The following SNAP91 variants were observed in gnomAD, a reference collection of about 807,000 sequenced individuals.
The protein encoded by SNAP91 is synaptosome associated protein 91, also known as clathrin coat assembly protein AP180.
Under a neutral mutation model 100.3 loss-of-function variants are expected in SNAP91, and 27 were observed. That is an observed-to-expected ratio of 0.27 (90% CI 0.20 to 0.37). The LOEUF is 0.37. Ranked by LOEUF, SNAP91 falls within the 10% of genes least tolerant of loss-of-function variation. SNAP91 has a pLI of 1.00. For synonymous variants in SNAP91, 404 were observed against 398.6 expected, an observed-to-expected ratio of 1.01 and a Z score of -0.16; for missense variants, 986 against 1,123.7, an observed-to-expected ratio of 0.88 and a Z score of 1.75.
chr6:83,575,243 A>G, intron 25 of SNAP91, 122 bp from the exon 26 acceptor site: 1 of 703,768 alleles, frequency 1.4e-6, no homozygotes, highest in African/African-American at 1.8e-5. Context: ...CAAGTGGTAT[A>G]GTAATAAGAA....
chr6:83,575,160 AT>A lies in SNAP91; in HGVS notation c.2331-40del, dbSNP rs1224844853. ...TGCAAAACAAGCAAACAAACAAAAA[AT>A]CACAAATCAGAAAAAAATGGTGTGT... On this transcript the variant is annotated intron_variant, in intron 25 of 29. Coordinates refer to ENST00000369694, the MANE Select transcript of SNAP91 (RefSeq NM_001242792.2). 3.5e-6 allele frequency: 5 copies of A among 1,413,752 alleles called. No homozygotes were observed. The Admixed American group carries it at 7.7e-5, about 22-fold the overall frequency. The allele number at this position is 1,413,752 out of a possible 1,614,324, so 87.6% of individuals were successfully genotyped here. A position where few individuals can be genotyped will look rare whatever the true frequency, so the allele number is the denominator to read the frequency against.
intron 8 of SNAP91, among the ~76,000 whole-genome samples, chr6:83,632,557 C>T (rs1425764719): frequency 2.6e-5 from 4 of 152,194 alleles, no homozygotes; most frequent in African/African-American, 9.6e-5. Context: ...AACAAAATCC[C>T]AGACTTCCTG....
chr6:83,690,497 G>T, intron 2 of SNAP91: 1 of 961,168 alleles, frequency 1.0e-6, no homozygotes, highest in Non-Finnish European at 1.4e-6. Flanking sequence ...CTCTGCTAAA[G>T]CAACAGATAC....
At chr6:83,567,628 C>T (rs1422660495) in intron 26 of SNAP91, among the ~76,000 whole-genome samples, 2 of 152,014 alleles carry the variant, frequency 1.3e-5, no homozygotes, top group Admixed American at 6.6e-5. Context: ...ATCCAGAATC[C>T]TCAAAGAACT....
At chr6:83,665,294 A>C in intron 3 of SNAP91, 145 bp downstream of exon 3, 1 of 763,182 alleles carries the variant, frequency 1.3e-6, no homozygotes, top group Non-Finnish European at 2.0e-6. Context: ...AGAAGATTAA[A>C]CTTGTATTCT....
chr6:83,603,241 TA>T, intron 14 of SNAP91, among the ~76,000 whole-genome samples: 1 of 152,136 alleles, frequency 6.6e-6, no homozygotes, highest in East Asian at 1.9e-4. Context: ...GAAAAAAGCA[TA>T]AAAATATGCT....
intron 26 of SNAP91, among the ~76,000 whole-genome samples, chr6:83,573,336 T>C (rs1811878134): frequency 6.6e-6 from 1 of 152,218 alleles, no homozygotes; most frequent in Non-Finnish European, 1.5e-5. Flanking sequence ...TCCATGCTCA[T>C]GGATAGGAAT....
At chr6:83,667,118 C>T (rs921617726) in intron 2 of SNAP91, among the ~76,000 whole-genome samples, 6 of 151,962 alleles carry the variant, frequency 3.9e-5, no homozygotes, top group Non-Finnish European at 1.5e-5. Flanking sequence ...AAATGACTAG[C>T]GCATAACATT....
intron 7 of SNAP91, among the ~76,000 whole-genome samples, chr6:83,643,164 CT>C (rs1198663143): frequency 2.0e-5 from 3 of 152,122 alleles, no homozygotes; most frequent in Admixed American, 6.5e-5. Flanking sequence ...ATGGTAGTTT[CT>C]TTTGCTGTGC....
chr6:83,560,805 G>T, intron 27 of SNAP91, 59 bp downstream of exon 27: 1 of 1,410,214 alleles, frequency 7.1e-7, no homozygotes, highest in Non-Finnish European at 1.0e-6. Context: ...TAGTAATTTG[G>T]GATTTGGCAA....
intron 16 of SNAP91, among the ~76,000 whole-genome samples, chr6:83,595,982 A>G (rs978666005): frequency 6.6e-6 from 1 of 152,208 alleles, no homozygotes; most frequent in African/African-American, 2.4e-5. Flanking sequence ...GGACAACAGG[A>G]CATCAGTTAT....
At chr6:83,614,044 G>C (rs941915638) in intron 11 of SNAP91, among the ~76,000 whole-genome samples, 1 of 152,082 alleles carries the variant, frequency 6.6e-6, no homozygotes, top group African/African-American at 2.4e-5. Context: ...TTCTTTCCAA[G>C]ATGTTAACAG....
chr6:83,570,008 T>C (rs1301118932), intron 26 of SNAP91, among the ~76,000 whole-genome samples: 2 of 152,082 alleles, frequency 1.3e-5, no homozygotes, highest in Non-Finnish European at 2.9e-5. Context: ...AGTGGAGCGC[T>C]GCAGAAAAGC....
At chr6:83,619,675 G>A (rs1055709352) in intron 9 of SNAP91, among the ~76,000 whole-genome samples, 1 of 152,054 alleles carries the variant, frequency 6.6e-6, no homozygotes, top group African/African-American at 2.4e-5. Context: ...AGTAGTTTTC[G>A]TATCAACCAG....
At chr6:83,678,686 T>G (rs1278586383) in intron 2 of SNAP91, 31 of 1,149,310 alleles carry the variant, frequency 2.7e-5, no homozygotes, top group Non-Finnish European at 3.1e-5. Context: ...GGATCTAACC[T>G]TCTACCTTCC....
At position 83,591,233 on chromosome 6, in the gene SNAP91, T is replaced by C. The variant is rs2093700625; in HGVS notation, c.1992A>G (p.Ser664=). ...QPASQAASSS[S]ASADLLAGFG... ...TACCAGCTAGTAGGTCTGCCGATGCTGATGAACTAGAAGCAGCCTGAGATG... is the reference window on the plus strand; with the variant it reads ...TACCAGCTAGTAGGTCTGCCGATGCCGATGAACTAGAAGCAGCCTGAGATG... The change falls in exon 22 of 30, where the codon TCA becomes TCG. Residue 664 remains serine (S), a synonymous_variant. Coordinates refer to ENST00000369694, the MANE Select transcript of SNAP91 (RefSeq NM_001242792.2). 2 of 1,611,754 alleles carry C rather than the reference T, an allele frequency of 1.2e-6. No individual in the cohort carries two copies. The highest frequency in any genetic ancestry group is 2.2e-5 in the East Asian group (1 of 44,838).
chr6:83,617,508 T>C (rs2096547331), intron 9 of SNAP91, among the ~76,000 whole-genome samples: 1 of 151,760 alleles, frequency 6.6e-6, no homozygotes, highest in Admixed American at 6.6e-5. Flanking sequence ...TAAATATATT[T>C]TAAAAAGGTG....
intron 11 of SNAP91, among the ~76,000 whole-genome samples, chr6:83,613,811 A>C (rs376763981): frequency 1.2e-4 from 18 of 152,226 alleles, no homozygotes; most frequent in African/African-American, 4.1e-4. Flanking sequence ...AGGAAAGAAG[A>C]TACTACATCA....
chr6:83,640,910 C>A (rs1585152866), intron 8 of SNAP91, among the ~76,000 whole-genome samples, 186 bp downstream of exon 8: 1 of 152,132 alleles, frequency 6.6e-6, no homozygotes, highest in East Asian at 1.9e-4. Flanking sequence ...GTACAGAGTA[C>A]AGCTCTGAGT....
Sources: gnomAD v4.1 joint callset for allele counts (sites outside exome capture counted in the v4.1 genomes callset) on GRCh38, gnomAD v4.1.1 for gene constraint, MANE v1.5 for transcripts, NCBI Gene and HGNC (gene_info 2026-07-23, HGNC 2026-07-21) for gene names.